Variants in TEX2 observed in about 807,000 individuals in gnomAD.
The protein encoded by TEX2 is testis expressed 2.
A neutral mutation model predicts 106.9 loss-of-function variants in TEX2; 53 were observed. The observed-to-expected ratio is 0.50, with a 90% CI of 0.40 to 0.62. TEX2 has a LOEUF of 0.62. Among genes scored for constraint, TEX2 ranks in the 20% least tolerant of loss-of-function variants. The probability of loss-of-function intolerance (pLI) is 0.00; values close to 1 mark genes in which losing one functional copy is unlikely to be tolerated. For missense variants in TEX2, 1,207 were observed against 1,379.0 expected (o/e 0.88, Z 1.98); for synonymous variants, 523 against 534.8 (o/e 0.98, Z 0.30).
chr17:64,254,328 T>C (rs2034146315), intron 1 of TEX2, among the ~76,000 whole-genome samples: 2 of 152,238 alleles, frequency 1.3e-5, no homozygotes. Context: ...GTTTGGAACC[T>C]ACATGCGACT....
intron 7 of TEX2, among the ~76,000 whole-genome samples, chr17:64,169,186 A>C (rs1177982168): frequency 6.6e-6 from 1 of 152,150 alleles, no homozygotes; most frequent in South Asian, 2.1e-4. Flanking sequence ...TTACAGGCAC[A>C]CACCACCATG....
chr17:64,203,445 C>G (rs147908420), intron 2 of TEX2, among the ~76,000 whole-genome samples: 4 of 152,314 alleles, frequency 2.6e-5, no homozygotes, highest in African/African-American at 9.6e-5. Context: ...CTCTCTGTCT[C>G]CAAAACTAAA....
intron 9 of TEX2, 101 bp downstream of exon 9, chr17:64,154,741 G>A: frequency 3.0e-6 from 4 of 1,346,466 alleles, no homozygotes; most frequent in Non-Finnish European, 3.9e-6. Flanking sequence ...ACATTAAAGA[G>A]GAAGGAAGAT....
At chr17:64,179,556 C>A (rs976542582) in intron 5 of TEX2, among the ~76,000 whole-genome samples, 3 of 152,160 alleles carry the variant, frequency 2.0e-5, no homozygotes, top group Admixed American at 6.5e-5. Context: ...CCATGAAGGT[C>A]CGAGACTTCA....
chr17:64,170,453 G>A (rs1296618865), intron 7 of TEX2, among the ~76,000 whole-genome samples: 1 of 152,078 alleles, frequency 6.6e-6, no homozygotes, highest in Non-Finnish European at 1.5e-5. Flanking sequence ...GCCATGAGAG[G>A]TGAGCGGAAC....
At chr17:64,187,017 A>G (rs1280465304) in intron 5 of TEX2, among the ~76,000 whole-genome samples, 1 of 152,204 alleles carries the variant, frequency 6.6e-6, no homozygotes, top group Non-Finnish European at 1.5e-5. Flanking sequence ...TGCACACTCC[A>G]TCACTTAGCA....
rs148568716 is a variant in TEX2, at chr17:64,213,030, C to T, written c.1188G>A (p.Lys396=). The T allele has an allele frequency of 1.2e-6, 2 of 1,614,236 alleles. No individual in the cohort carries two copies. Among genetic ancestry groups the T allele is most frequent in the Non-Finnish European group, 1.7e-6 (2 of 1,180,040 alleles). The change falls in exon 2 of 12, where the codon AAG becomes AAA. Residue 396 remains lysine, a synonymous_variant. Transcript: ENST00000584379. This position sits in a 1 kb window ranked among gnomAD's most constrained non-coding sequence, Gnocchi z 4.4. ...QGSSLKDLGL[K]TSSLVLEKCS... is the part of the protein sequence containing the mutation. ...ATTTCTCCAGAACTAGAGAACTTGT[C>T]TTCAGGCCTAAATCCTTCAGACTGC...
intron 2 of TEX2, among the ~76,000 whole-genome samples, 174 bp downstream of exon 2, chr17:64,212,400 A>G (rs2033029152): frequency 1.3e-5 from 2 of 152,210 alleles, no homozygotes; most frequent in African/African-American, 4.8e-5. Context: ...TTGGGTTAGA[A>G]TGAGGTTTAC....
chr17:64,225,094 TA>T (rs1422376848), intron 1 of TEX2, among the ~76,000 whole-genome samples: 1 of 151,898 alleles, frequency 6.6e-6, no homozygotes. Flanking sequence ...AGTCTGGGAA[TA>T]ACTTTTTTTT....
intron 2 of TEX2, 126 bp downstream of exon 2, chr17:64,212,448 C>T: frequency 1.2e-6 from 1 of 841,348 alleles, no homozygotes; most frequent in Non-Finnish European, 1.9e-6. Context: ...ATGAAGTGGC[C>T]CCAAGCTCTT....
At chr17:64,245,764 C>T (rs928283889) in intron 1 of TEX2, among the ~76,000 whole-genome samples, 3 of 144,102 alleles carry the variant, frequency 2.1e-5, no homozygotes, top group East Asian at 2.1e-4. Flanking sequence ...CATAGGGATA[C>T]GAACCAACTG....
At chr17:64,167,798 G>A (rs981527633) in intron 7 of TEX2, among the ~76,000 whole-genome samples, 2 of 151,980 alleles carry the variant, frequency 1.3e-5, no homozygotes, top group African/African-American at 4.8e-5. Context: ...CAGGCTGGAC[G>A]ACAAGAGTGA....
At chr17:64,220,245 TA>T (rs2033320248) in intron 1 of TEX2, among the ~76,000 whole-genome samples, 1 of 152,084 alleles carries the variant, frequency 6.6e-6, no homozygotes, top group African/African-American at 2.4e-5. Flanking sequence ...CCAAAAACTA[TA>T]AAAACCCTAG....
chr17:64,163,835 T>C (rs1016661215), intron 7 of TEX2, among the ~76,000 whole-genome samples: 4 of 152,224 alleles, frequency 2.6e-5, no homozygotes, highest in Non-Finnish European at 5.9e-5. Context: ...AAATGCTACT[T>C]AATCTAGAGG....
chr17:64,249,882 T>TA (rs1555636747), intron 1 of TEX2, among the ~76,000 whole-genome samples: 1 of 151,506 alleles, frequency 6.6e-6, no homozygotes, highest in African/African-American at 2.4e-5. Flanking sequence ...GTTTTAGCCT[T>TA]AAAAAAAAAT....
chr17:64,200,078 C>T (rs1555629899), intron 2 of TEX2, among the ~76,000 whole-genome samples: 4 of 152,102 alleles, frequency 2.6e-5, no homozygotes, highest in Non-Finnish European at 5.9e-5. Context: ...AGTTAACCTG[C>T]AATATTAAAA....
Position 64,213,161 on chromosome 17 carries a change from A to G in TEX2, c.1057T>C (p.Ser353Pro). 6.2e-7 allele frequency: 1 copy of G among 1,614,134 alleles called. No individual in the cohort carries two copies. The highest frequency in any genetic ancestry group is 8.5e-7 in the Non-Finnish European group (1 of 1,180,016). Residue 353 changes from serine to proline, a missense_variant, in exon 2 of 12, where the codon TCT becomes CCT. Ser to Pro is a moderately conservative substitution (Grantham distance 74). Transcript: ENST00000584379. This position sits in a 1 kb window ranked among gnomAD's most constrained non-coding sequence, Gnocchi z 4.4. ...TCACTTCCGTAGCCATCCCCCTCAG[A>G]ATCACACTCCTCCTCCTTGATGCTG... ...NYSIKEEECDSEGDGYGSDSN... is the reference protein window; with the variant it reads ...NYSIKEEECDPEGDGYGSDSN...
intron 6 of TEX2, among the ~76,000 whole-genome samples, chr17:64,176,342 T>C (rs1342267726): frequency 2.0e-5 from 3 of 152,220 alleles, no homozygotes; most frequent in Non-Finnish European, 4.4e-5. Context: ...TAATCTAGTT[T>C]ACCGTAGTTC....
chr17:64,195,882 C>T lies in TEX2; in HGVS notation c.1645-787G>A, dbSNP rs1291700858. ...GCTGTCATCATCATTCATCACTGAA[C>T]ACTTCTCCTGCCTCAAATACTTTTT... On this transcript the variant is annotated intron_variant, in intron 2 of 11. Transcript: ENST00000584379. This position sits in a 1 kb window ranked among gnomAD's most constrained non-coding sequence, Gnocchi z 4.1. Among the ~76,000 whole-genome samples, 1 of 152,208 alleles carries T rather than the reference C, an allele frequency of 6.6e-6. No individual in the cohort carries two copies. Among genetic ancestry groups the T allele is most frequent in the Non-Finnish European group, 1.5e-5 (1 of 68,040 alleles).
Sources: gnomAD v4.1 joint callset for allele counts (sites outside exome capture counted in the v4.1 genomes callset) on GRCh38, gnomAD v4.1.1 for gene constraint, Gnocchi (gnomAD v3.1) non-coding constraint, MANE v1.5 for transcripts, NCBI Gene and HGNC (gene_info 2026-07-23, HGNC 2026-07-21) for gene names.